MIB1: variants seen among roughly 807,000 people sequenced by gnomAD.
MIB1 encodes the protein MIB E3 ubiquitin protein ligase 1.
A neutral mutation model predicts 124.5 loss-of-function variants in MIB1; 278 were observed. The ratio of observed to expected loss-of-function variants is 2.23; its 90% CI spans 2.02 to 2.47. MIB1 has a LOEUF of 2.47. Ranked by LOEUF, MIB1 falls within the 30% of genes most tolerant of loss-of-function variation. The pLI is 0.00. For missense variants in MIB1, 957 were observed against 1,254.4 expected, an observed-to-expected ratio of 0.76 and a Z score of 3.58; for synonymous variants, 446 against 429.4, an observed-to-expected ratio of 1.04 and a Z score of -0.48.
At chr18:21,816,857 A>G (rs1474739281) in intron 11 of MIB1, among the ~76,000 whole-genome samples, 2 of 152,104 alleles carry the variant, frequency 1.3e-5, no homozygotes, top group African/African-American at 4.8e-5. Context: ...TGTCCTTGTA[A>G]GTGGGAGGCA....
Position 21,864,941 on chromosome 18 carries a change from T to C in MIB1, c.*275T>C, listed in dbSNP as rs1598649578. The C allele has an allele frequency of 1.6e-5, 4 of 254,832 alleles. No homozygotes were observed. Among genetic ancestry groups the C allele is most frequent in the Non-Finnish European group, 2.9e-5 (4 of 136,008 alleles). The allele number at this position is 254,832 out of a possible 1,614,324, so 15.8% of individuals were successfully genotyped here. ...CTAAGAGGAAAGTCCTTTAAGGATA[T>C]CCTTTTTTAAAAAATTGCATTTTTC... On this transcript the variant is annotated 3_prime_UTR_variant, in exon 21 of 21. Transcript: ENST00000261537.
At chr18:21,733,713 C>CT (rs959257720) in intron 1 of MIB1, among the ~76,000 whole-genome samples, 17 of 150,878 alleles carry the variant, frequency 1.1e-4, no homozygotes, top group African/African-American at 3.2e-4. Flanking sequence ...TTTCTTTTTT[C>CT]TTTTTTTTTG....
rs1282387381 is a variant in MIB1 at position 21,803,978 on chromosome 18, G to A, written c.1443G>A (p.Lys481=). The A allele has an allele frequency of 6.2e-7, 1 of 1,613,606 alleles. No individual in the cohort carries two copies. The highest frequency in any genetic ancestry group is 1.3e-5 in the African/African-American group (1 of 74,896). Residue 481 remains lysine, a synonymous_variant, in exon 10 of 21, where the codon AAG becomes AAA. Coordinates refer to ENST00000261537, the MANE Select transcript of MIB1 (RefSeq NM_020774.4). Reference sequence around the variant, plus strand: ...AGAATGGACATGTTGACATTTTGAAGTTACTTTTGAAGCAAAACGTGGATG... The same window carrying A: ...AGAATGGACATGTTGACATTTTGAAATTACTTTTGAAGCAAAACGTGGATG... ...ASQNGHVDIL[K]LLLKQNVDVE...
Position 21,868,161 on chromosome 18 carries a change from G to GT in MIB1, c.*3498dup. Reference sequence around the variant, plus strand: ...TAACATAAAATTTACCATATTAACTGTTTCTAAAGAATACAGTTCAGCCAT... The same window carrying GT: ...TAACATAAAATTTACCATATTAACTGTTTTCTAAAGAATACAGTTCAGCCAT... On this transcript the variant is annotated 3_prime_UTR_variant, in exon 21 of 21. Transcript: ENST00000261537. 6.6e-6 allele frequency: 1 copy of GT among 151,990 alleles called. No homozygotes were observed. The highest frequency in any genetic ancestry group is 1.5e-5 in the Non-Finnish European group (1 of 67,850). The allele number at this position is 151,990 out of a possible 1,614,324, so 9.4% of individuals were successfully genotyped here.
At chr18:21,772,787 G>A (rs1261262401) in intron 3 of MIB1, among the ~76,000 whole-genome samples, 1 of 152,072 alleles carries the variant, frequency 6.6e-6, no homozygotes, top group African/African-American at 2.4e-5. Context: ...AGCTTAGGTG[G>A]CCTGCAACTG....
chr18:21,828,705 A>G (rs2041949893), intron 12 of MIB1: 1 of 191,986 alleles, frequency 5.2e-6, no homozygotes, highest in Admixed American at 5.8e-5. Flanking sequence ...TTGCAGTCAA[A>G]TTTTAATAAT....
At chr18:21,823,927 G>A (rs2041902285) in intron 12 of MIB1, among the ~76,000 whole-genome samples, 1 of 152,158 alleles carries the variant, frequency 6.6e-6, no homozygotes, top group South Asian at 2.1e-4. Context: ...TGATAAAAGT[G>A]AAAACTGAAT....
chr18:21,795,880 A>G (rs770140730), intron 7 of MIB1, among the ~76,000 whole-genome samples: 2 of 152,204 alleles, frequency 1.3e-5, no homozygotes, highest in Non-Finnish European at 2.9e-5. Flanking sequence ...GTACCAAAAA[A>G]CAAATGAGTA....
intron 1 of MIB1, among the ~76,000 whole-genome samples, chr18:21,757,717 C>T (rs2041050425): frequency 6.6e-6 from 1 of 151,470 alleles, no homozygotes; most frequent in African/African-American, 2.4e-5. Flanking sequence ...AACTCCTGAC[C>T]TCAAGCGATC....
intron 11 of MIB1, chr18:21,817,648 C>A (rs2041842054): frequency 2.3e-6 from 1 of 426,484 alleles, no homozygotes; most frequent in Admixed American, 2.7e-5. Context: ...CCTGGGATAT[C>A]ATTTTTTCTA....
rs78268827 is a variant in MIB1 at position 21,706,493 on chromosome 18, C to T, written n.167+1370C>T. Among the ~76,000 whole-genome samples the T allele has an allele frequency of 2.5e-3, 375 of 152,296 alleles. 5 individuals are homozygous for T. In the East Asian group the frequency reaches 0.058, roughly 24 times the overall value. On this transcript the variant is annotated intron_variant and non_coding_transcript_variant, in intron 1 of 20. Transcript: ENST00000578646. ...TGGCTGAGGCCGGAGCCAGCTCCCT[C>T]TGCTTGCAGGGAGGTGTGGAGAGAG...
At chr18:21,738,505 C>T (rs2040805394), upstream of MIB1, among the ~76,000 whole-genome samples, 1 of 151,936 alleles carries the variant, frequency 6.6e-6, no homozygotes. Context: ...ATTCTAGCAT[C>T]ACAATTAAAA....
chr18:21,729,070 A>G (rs1231076405), intron 1 of MIB1, among the ~76,000 whole-genome samples: 1 of 152,200 alleles, frequency 6.6e-6, no homozygotes, highest in Non-Finnish European at 1.5e-5. Context: ...ACTGCATCTC[A>G]GGCAGGTGCC....
At chr18:21,826,531 A>G (rs2041925742) in intron 12 of MIB1, 1 of 152,054 alleles carries the variant, frequency 6.6e-6, no homozygotes, top group Non-Finnish European at 1.5e-5. Context: ...TTGCCAAGTT[A>G]CTTCTCATTA....
At chr18:21,805,989 C>T (rs376971344) in intron 10 of MIB1, among the ~76,000 whole-genome samples, 18 of 148,508 alleles carry the variant, frequency 1.2e-4, no homozygotes, top group African/African-American at 4.0e-4. Context: ...CTGCAACCTC[C>T]GCCTCCCGGT....
intron 12 of MIB1, among the ~76,000 whole-genome samples, chr18:21,832,497 A>G (rs1787252928): frequency 2.0e-5 from 3 of 152,218 alleles, no homozygotes; most frequent in African/African-American, 7.2e-5. Flanking sequence ...AAAAATATTA[A>G]AACATGAAGT....
chr18:21,841,721 T>C (rs2042090943), intron 13 of MIB1, among the ~76,000 whole-genome samples: 2 of 152,132 alleles, frequency 1.3e-5, no homozygotes, highest in Admixed American at 1.3e-4. Flanking sequence ...CACTTCTAGG[T>C]ATGTACCCAA....
At chr18:21,815,028 T>TATATA (rs2041814461) in intron 10 of MIB1, among the ~76,000 whole-genome samples, 1 of 106,562 alleles carries the variant, frequency 9.4e-6, no homozygotes, top group South Asian at 2.6e-4. Flanking sequence ...TATATATATA[T>TATATA]ATATATATAT....
chr18:21,796,228 G>A (rs888094213), intron 7 of MIB1, among the ~76,000 whole-genome samples: 2 of 151,882 alleles, frequency 1.3e-5, no homozygotes, highest in Non-Finnish European at 2.9e-5. Context: ...AAAAGAATGA[G>A]ATCATGTCCT....
Sources: allele counts gnomAD v4.1 joint callset (sites outside exome capture counted in the v4.1 genomes callset), GRCh38; gene constraint gnomAD v4.1.1; transcripts MANE v1.5; gene names NCBI Gene and HGNC (gene_info 2026-07-23, HGNC 2026-07-21).